TAF4B: variants seen among roughly 807,000 people sequenced by gnomAD.
The protein encoded by TAF4B is TATA-box binding protein associated factor 4b.
TAF4B carries 38 observed loss-of-function variants against 86.4 expected under a neutral mutation model. The ratio of observed to expected loss-of-function variants is 0.44; its 90% CI spans 0.34 to 0.58. The LOEUF (loss-of-function observed/expected upper bound fraction) is 0.58, where lower values mean the gene tolerates loss of function less well. Among genes scored for constraint, TAF4B ranks in the 20% least tolerant of loss-of-function variants. The probability of loss-of-function intolerance (pLI) is 0.02; values close to 1 mark genes in which losing one functional copy is unlikely to be tolerated. For missense variants in TAF4B, 988 were observed against 1,027.6 expected (o/e 0.96, Z 0.53); for synonymous variants, 388 against 391.2 (o/e 0.99, Z 0.10).
At chr18:26,295,013 T>C (rs1047598481) in intron 9 of TAF4B, among the ~76,000 whole-genome samples, 5 of 149,424 alleles carry the variant, frequency 3.3e-5, no homozygotes, top group Admixed American at 2.7e-4. Flanking sequence ...TGAATAAACA[T>C]GCCACAAGGA....
chr18:26,322,331 T>A (rs1050512667), intron 11 of TAF4B, among the ~76,000 whole-genome samples: 21 of 152,242 alleles, frequency 1.4e-4, no homozygotes, highest in African/African-American at 4.8e-4. Context: ...GCCAAGGTCC[T>A]CACTTGCATA....
At chr18:26,234,929 A>G (rs1397638673) in intron 1 of TAF4B, among the ~76,000 whole-genome samples, 1 of 152,144 alleles carries the variant, frequency 6.6e-6, no homozygotes, top group Non-Finnish European at 1.5e-5. Flanking sequence ...TCCTTGTGTT[A>G]TTTTGATACC....
At chr18:26,350,040 C>A (rs1348344239) in intron 13 of TAF4B, among the ~76,000 whole-genome samples, 1 of 152,168 alleles carries the variant, frequency 6.6e-6, no homozygotes, top group Non-Finnish European at 1.5e-5. Flanking sequence ...ACCTCCACCT[C>A]TTACCCTATT....
At chr18:26,387,127 A>T (rs1217838080) in intron 14 of TAF4B, among the ~76,000 whole-genome samples, 2 of 152,164 alleles carry the variant, frequency 1.3e-5, no homozygotes, top group South Asian at 2.1e-4. Context: ...GTGCAGTGGC[A>T]TGATCTTGGC....
At chr18:26,316,485 G>C (rs564294189) in intron 10 of TAF4B, among the ~76,000 whole-genome samples, 10 of 152,014 alleles carry the variant, frequency 6.6e-5, no homozygotes, top group African/African-American at 2.4e-4. Context: ...CTGCCTCCCA[G>C]GTTCAAGTGA....
At chr18:26,251,359 A>T (rs1056543983) in intron 1 of TAF4B, among the ~76,000 whole-genome samples, 1 of 152,164 alleles carries the variant, frequency 6.6e-6, no homozygotes, top group African/African-American at 2.4e-5. Flanking sequence ...AGGCTCTTAG[A>T]TTTGTAAGGA....
In TAF4B at chr18:26,385,929, C is replaced by T. The variant is rs565360416; in HGVS notation, c.2422-3916C>T. Among the ~76,000 whole-genome samples the T allele has an allele frequency of 4.6e-5, 7 of 152,140 alleles. No homozygotes were observed. In the South Asian group the frequency reaches 1.2e-3, roughly 27 times the overall value. On this transcript the variant is annotated intron_variant, in intron 14 of 14. Coordinates refer to ENST00000269142, the MANE Select transcript of TAF4B (RefSeq NM_005640.3). ...AACTGAGAGTAGCTGGTTATTCTGGCCAGGTCATTGTGATTGACAAGTTAC... is the reference window on the plus strand; with the variant it reads ...AACTGAGAGTAGCTGGTTATTCTGGTCAGGTCATTGTGATTGACAAGTTAC...
intron 8 of TAF4B, among the ~76,000 whole-genome samples, 160 bp from the exon 9 acceptor site, chr18:26,293,266 A>G (rs1285377596): frequency 1.3e-5 from 2 of 152,188 alleles, no homozygotes; most frequent in Admixed American, 6.5e-5. Context: ...TTATTCAGGG[A>G]ATAAATTCAT....
chr18:26,263,818 GTCC>G (rs2056202504), intron 1 of TAF4B, among the ~76,000 whole-genome samples: 1 of 152,082 alleles, frequency 6.6e-6, no homozygotes, highest in South Asian at 2.1e-4. Flanking sequence ...GGCTCAAGCT[GTCC>G]TCCTGCCTCA....
intron 13 of TAF4B, among the ~76,000 whole-genome samples, chr18:26,351,712 G>T (rs760368444): frequency 3.9e-5 from 6 of 151,996 alleles, no homozygotes; most frequent in Non-Finnish European, 5.9e-5. Flanking sequence ...GATATTAAAG[G>T]ATCATAAATC....
At chr18:26,266,393 G>C (rs1028216311) in intron 2 of TAF4B, among the ~76,000 whole-genome samples, 6 of 152,042 alleles carry the variant, frequency 3.9e-5, no homozygotes, top group Non-Finnish European at 7.4e-5. Context: ...ATTACAGGCT[G>C]AGTACTGTAC....
intron 9 of TAF4B, among the ~76,000 whole-genome samples, chr18:26,310,687 A>G (rs776265683): frequency 5.3e-5 from 8 of 152,220 alleles, no homozygotes; most frequent in Non-Finnish European, 1.2e-4. Context: ...AACATTTTAC[A>G]CGAAATTTAT....
intron 1 of TAF4B, among the ~76,000 whole-genome samples, chr18:26,236,299 C>A (rs768518836): frequency 4.6e-5 from 7 of 152,164 alleles, no homozygotes; most frequent in Non-Finnish European, 1.0e-4. Context: ...TCCCAGGATT[C>A]TTAGGATGGT....
Position 26,285,222 on chromosome 18 carries a change from G to GTTTTTGTTTTTGTTTTTGTTTTTT in TAF4B, c.973-655_973-654insGTTTTTGTTTTTGTTTTTTTTTTT. On this transcript the variant is annotated intron_variant, in intron 6 of 14. Coordinates refer to ENST00000269142, the MANE Select transcript of TAF4B (RefSeq NM_005640.3). ...ATTTCTTCCTTTCCTTTTTTTTTTT[G>GTTTTTGTTTTTGTTTTTGTTTTTT]TTTTTTTTTTTTTTGGAGATGGGGT... 1.8e-3 allele frequency among the ~76,000 whole-genome samples: 80 copies of GTTTTTGTTTTTGTTTTTGTTTTTT among 45,692 alleles called. 7 individuals carry two copies. The highest frequency in any genetic ancestry group is 1.8e-3 in the Non-Finnish European group (41 of 22,272). The allele number at this position is 45,692 out of a possible 152,430, so 30.0% of individuals were successfully genotyped here.
intron 1 of TAF4B, among the ~76,000 whole-genome samples, chr18:26,261,958 C>T (rs1476609010): frequency 1.3e-5 from 2 of 152,110 alleles, no homozygotes; most frequent in Admixed American, 1.3e-4. Context: ...TGAGTGATAT[C>T]CCTGCTCTAG....
intron 1 of TAF4B, among the ~76,000 whole-genome samples, chr18:26,244,841 C>A (rs1310832682): frequency 6.6e-6 from 1 of 152,110 alleles, no homozygotes; most frequent in Non-Finnish European, 1.5e-5. Context: ...GGCATTAGGA[C>A]GCAGGAGGCA....
In TAF4B at chr18:26,321,090, G is replaced by A. The variant is rs775163580; in HGVS notation, c.2023G>A (p.Glu675Lys). 1.9e-6 allele frequency: 3 copies of A among 1,613,816 alleles called. No homozygotes were observed. Among genetic ancestry groups the A allele is most frequent in the Non-Finnish European group, 2.5e-6 (3 of 1,179,802 alleles). ...TGCAGGTAAAAAGCATGACATTACA[G>A]AACTTAACTCTGATGCTGTGAACTT... ...LDIGKKHDIT[E>K]LNSDAVNLIS... The change falls in exon 11 of 15, where the codon GAA becomes AAA. Residue 675 changes from glutamate (E) to lysine (K), a missense_variant. Transcript: ENST00000269142.
intron 14 of TAF4B, among the ~76,000 whole-genome samples, chr18:26,359,582 A>G (rs1026536443): frequency 1.3e-4 from 20 of 152,316 alleles, no homozygotes; most frequent in African/African-American, 4.6e-4. Flanking sequence ...TTTTCTTTAT[A>G]TCTGAAATGG....
At chr18:26,301,236 A>G (rs1457952039) in intron 9 of TAF4B, among the ~76,000 whole-genome samples, 1 of 151,464 alleles carries the variant, frequency 6.6e-6, no homozygotes, top group Non-Finnish European at 1.5e-5. Context: ...TTCTTGAACA[A>G]TTAATTGTAG....
Sources: allele counts gnomAD v4.1 joint callset (sites outside exome capture counted in the v4.1 genomes callset), GRCh38; gene constraint gnomAD v4.1.1; transcripts MANE v1.5; gene names NCBI Gene and HGNC (gene_info 2026-07-23, HGNC 2026-07-21).